Variants in VPS39 observed in about 807,000 individuals in gnomAD.
VPS39 encodes the protein VPS39 subunit of HOPS complex.
In VPS39, 70 loss-of-function variants were observed where a neutral mutation model predicts 121.0. That is an observed-to-expected ratio of 0.58 (90% confidence interval 0.48 to 0.71). VPS39 has a LOEUF of 0.71. VPS39 is among the 30% of genes least tolerant of loss of function. The probability of loss-of-function intolerance (pLI) is 0.00; values close to 1 mark genes in which losing one functional copy is unlikely to be tolerated. For missense variants in VPS39, 818 were observed against 1,051.5 expected, an observed-to-expected ratio of 0.78 and a Z score of 3.07; for synonymous variants, 378 against 398.1, an observed-to-expected ratio of 0.95 and a Z score of 0.60.
Position 42,166,222 on chromosome 15 carries a change from G to T in VPS39, c.1617C>A (p.Asn539Lys). The T allele has an allele frequency of 6.2e-7, 1 of 1,614,194 alleles. No homozygotes were observed. The highest frequency in any genetic ancestry group is 8.5e-7 in the Non-Finnish European group (1 of 1,180,034). ...VQYLQHLGTE[N>K]LHLIFSYSVW... is the part of the protein sequence containing the mutation. ...CTGAGTAGGAGAAAATCAAATGCAGGTTTTCTGTGCCTAGAAGGAAAAGCA... is the reference window on the plus strand; with the variant it reads ...CTGAGTAGGAGAAAATCAAATGCAGTTTTTCTGTGCCTAGAAGGAAAAGCA... Residue 539 changes from asparagine (N) to lysine (K), a missense_variant, in exon 16 of 25, where the codon AAC becomes AAA. Coordinates refer to ENST00000318006, the MANE Select transcript of VPS39 (RefSeq NM_015289.5).
chr15:42,165,517 TC>T, intron 17 of VPS39, 200 bp downstream of exon 17: 1 of 540,192 alleles, frequency 1.9e-6, no homozygotes, highest in Non-Finnish European at 3.3e-6. Flanking sequence ...CTTTTATCCC[TC>T]TGTAGTTTAC....
intron 3 of VPS39, 28 bp from the exon 4 acceptor site, chr15:42,191,195 A>G (rs1021578221): frequency 2.5e-6 from 4 of 1,613,378 alleles, no homozygotes; most frequent in East Asian, 2.2e-5. Context: ...ATGAGACCCA[A>G]TTAAACATTT....
At chr15:42,187,953 T>G in intron 5 of VPS39, 97 bp from the exon 6 acceptor site, 1 of 1,154,818 alleles carries the variant, frequency 8.7e-7, no homozygotes, top group Middle Eastern at 2.1e-4. Context: ...TTGCTACTAC[T>G]CTGAAAATTC....
intron 4 of VPS39, among the ~76,000 whole-genome samples, chr15:42,189,579 A>G (rs2049777511): frequency 6.6e-6 from 1 of 151,786 alleles, no homozygotes; most frequent in African/African-American, 2.4e-5. Context: ...AAATACAAAA[A>G]TCAGCTGGGT....
intron 8 of VPS39, among the ~76,000 whole-genome samples, chr15:42,181,176 T>C (rs2049573988): frequency 6.6e-6 from 1 of 152,350 alleles, no homozygotes; most frequent in East Asian, 1.9e-4. Flanking sequence ...TGGAATATTA[T>C]TACTTTTTTA....
intron 3 of VPS39, 138 bp downstream of exon 3, chr15:42,191,358 T>C (rs1159522201): frequency 3.8e-6 from 4 of 1,059,648 alleles, no homozygotes; most frequent in African/African-American, 1.6e-5. Context: ...GCACATGATA[T>C]ATGAGCAGAC....
Position 42,191,488 on chromosome 15 carries a change from C to T in VPS39, c.204+8G>A. On this transcript the variant is annotated splice_region_variant and intron_variant, in intron 3 of 24. Transcript: ENST00000318006. ...AATATTCTTGTAAGGACTGCCATCA[C>T]TGCTTACCTGCTGAATCTTTTTGGA... The T allele has an allele frequency of 6.2e-7, 1 of 1,613,804 alleles. No individual in the cohort carries two copies. Among genetic ancestry groups the T allele is most frequent in the South Asian group, 1.1e-5 (1 of 91,058 alleles).
chr15:42,168,585 C>T lies in VPS39; in HGVS notation c.1234-1048G>A, dbSNP rs530474826. Among the ~76,000 whole-genome samples the T allele has an allele frequency of 1.2e-4, 18 of 151,518 alleles. No individual in the cohort carries two copies. The South Asian group carries it at 3.8e-3, about 32-fold the overall frequency. ...TTGAGACAGAGTCTCACTCTGTTGC[C>T]CAGGCTGAAGTGTAGTGGCGCAATC... On this transcript the variant is annotated intron_variant, in intron 12 of 24. Coordinates refer to ENST00000318006, the MANE Select transcript of VPS39 (RefSeq NM_015289.5).
At chr15:42,178,700 G>A in intron 8 of VPS39, 130 bp from the exon 9 acceptor site, 1 of 1,294,082 alleles carries the variant, frequency 7.7e-7, no homozygotes, top group Non-Finnish European at 1.1e-6. Flanking sequence ...ATCAAGCCAG[G>A]ATCTTACACT....
intron 12 of VPS39, among the ~76,000 whole-genome samples, chr15:42,168,689 G>A (rs1313763823): frequency 2.0e-5 from 3 of 152,050 alleles, no homozygotes; most frequent in Non-Finnish European, 4.4e-5. Flanking sequence ...GATTACAGGC[G>A]TGGGCCACCA....
intron 2 of VPS39, among the ~76,000 whole-genome samples, chr15:42,198,318 A>T (rs949517847): frequency 6.6e-6 from 1 of 152,234 alleles, no homozygotes; most frequent in African/African-American, 2.4e-5. Flanking sequence ...AGACCAGGCA[A>T]ATATCACAGA....
At chr15:42,204,802 G>C (rs1049570405) in intron 1 of VPS39, among the ~76,000 whole-genome samples, 7 of 151,692 alleles carry the variant, frequency 4.6e-5, no homozygotes, top group African/African-American at 9.7e-5. Context: ...TTCTGCTATG[G>C]GCATCATTTT....
chr15:42,198,036 AG>A (rs1323820037), intron 2 of VPS39, among the ~76,000 whole-genome samples: 1 of 152,222 alleles, frequency 6.6e-6, no homozygotes, highest in Non-Finnish European at 1.5e-5. Context: ...ACCAAGGCCC[AG>A]GAACATTAAC....
intron 2 of VPS39, among the ~76,000 whole-genome samples, chr15:42,195,018 T>C (rs1566908774): frequency 6.6e-6 from 1 of 152,084 alleles, no homozygotes; most frequent in Non-Finnish European, 1.5e-5. Flanking sequence ...TGAAAGGATC[T>C]TGAGGATCCC....
chr15:42,175,309 G>C (rs1180617551), intron 10 of VPS39, among the ~76,000 whole-genome samples: 1 of 149,616 alleles, frequency 6.7e-6, no homozygotes, highest in Non-Finnish European at 1.5e-5. Flanking sequence ...TCAGGAGGCC[G>C]AGGCAGGGGA....
chr15:42,191,340 G>A lies in VPS39; in HGVS notation c.204+156C>T, dbSNP rs2049824325. On this transcript the variant is annotated intron_variant, in intron 3 of 24. Transcript: ENST00000318006. Reference sequence around the variant, plus strand: ...ATTATCATTTCTGCTTGTGAGAGAGGATCTCAGGCACATGATATATGAGCA... The same window carrying A: ...ATTATCATTTCTGCTTGTGAGAGAGAATCTCAGGCACATGATATATGAGCA... 6.6e-6 allele frequency: 7 copies of A among 1,057,302 alleles called. No individual in the cohort carries two copies. The South Asian group carries it at 1.1e-4, about 16-fold the overall frequency. 65.5% of individuals were successfully genotyped at this position (1,057,302 alleles called of 1,614,324 possible).
In VPS39 at chr15:42,199,782, G is replaced by A. The variant is rs867095045; in HGVS notation, c.139+114C>T. 7.9e-5 allele frequency: 92 copies of A among 1,158,320 alleles called. 3 individuals are homozygous for A. In the Middle Eastern group the frequency reaches 4.0e-3, roughly 51 times the overall value. 71.8% of individuals were successfully genotyped at this position (1,158,320 alleles called of 1,614,324 possible). Reference sequence around the variant, plus strand: ...CAAGTCTTCTCCCCATTTTCCCACCGTGCTCCCTCTAACCTTCAATCTCTC... The same window carrying A: ...CAAGTCTTCTCCCCATTTTCCCACCATGCTCCCTCTAACCTTCAATCTCTC... On this transcript the variant is annotated intron_variant, in intron 2 of 24. Transcript: ENST00000318006.
At position 42,199,981 on chromosome 15, in the gene VPS39, C is replaced by CAAA. The variant is rs372749604; in HGVS notation, c.74-23_74-21dup. 34 of 1,475,900 alleles carry CAAA rather than the reference C, an allele frequency of 2.3e-5. No individual in the cohort carries two copies. Among genetic ancestry groups the CAAA allele is most frequent in the Admixed American group, 1.3e-4 (5 of 37,674 alleles). 91.4% of individuals were successfully genotyped at this position (1,475,900 alleles called of 1,614,324 possible). A position where few individuals can be genotyped will look rare whatever the true frequency, so the allele number is the denominator to read the frequency against. On this transcript the variant is annotated intron_variant, in intron 1 of 24. Coordinates refer to ENST00000318006, the MANE Select transcript of VPS39 (RefSeq NM_015289.5). ...ATTCCTCTGGAAAAACAAAACAAAA[C>CAAA]AAAAACAAAAACAAAAAAAAACCAG...
At chr15:42,191,448 G>T (rs1411288460) in intron 3 of VPS39, 48 bp downstream of exon 3, 8 of 1,555,022 alleles carry the variant, frequency 5.1e-6, no homozygotes, top group African/African-American at 1.4e-5. Context: ...GTCTGACAGG[G>T]TCTCATGTAA....
Sources: gnomAD v4.1 joint callset for allele counts (sites outside exome capture counted in the v4.1 genomes callset) on GRCh38, gnomAD v4.1.1 for gene constraint, MANE v1.5 for transcripts, NCBI Gene and HGNC (gene_info 2026-07-23, HGNC 2026-07-21) for gene names.